Variants in MTUS2 observed in about 807,000 individuals in gnomAD.
MTUS2 encodes microtubule-associated tumor suppressor candidate 2.
In MTUS2, 40 loss-of-function variants were observed where a neutral mutation model predicts 114.1. The observed-to-expected ratio is 0.35, with a 90% CI of 0.27 to 0.46. The LOEUF is 0.46. Ranked by LOEUF, MTUS2 falls within the 20% of genes least tolerant of loss-of-function variation. MTUS2 has a pLI of 1.00. For missense variants in MTUS2, 1,679 were observed against 1,705.4 expected, an observed-to-expected ratio of 0.98 and a Z score of 0.27; for synonymous variants, 688 against 672.0, an observed-to-expected ratio of 1.02 and a Z score of -0.37.
intron 2 of MTUS2, among the ~76,000 whole-genome samples, chr13:28,911,743 C>G (rs761341931): frequency 6.6e-6 from 1 of 150,982 alleles, no homozygotes; most frequent in African/African-American, 2.4e-5. Flanking sequence ...ATTTGTATTT[C>G]GTGATGATCG....
At chr13:29,500,034 C>T (rs1287551135) in intron 14 of MTUS2, among the ~76,000 whole-genome samples, 1 of 152,224 alleles carries the variant, frequency 6.6e-6, no homozygotes, top group Non-Finnish European at 1.5e-5. Context: ...GTGTGGGGAC[C>T]AGCTGTTCTG....
At chr13:29,447,584 C>T in intron 9 of MTUS2, among the ~76,000 whole-genome samples, 1 of 147,236 alleles carries the variant, frequency 6.8e-6, no homozygotes, top group African/African-American at 2.5e-5. Context: ...GGTGGTTGGC[C>T]TTGGGGTATC....
At chr13:29,151,520 C>T (rs902516624) in intron 5 of MTUS2, among the ~76,000 whole-genome samples, 13 of 152,080 alleles carry the variant, frequency 8.5e-5, no homozygotes, top group African/African-American at 2.9e-4. Context: ...TGTTTGGATG[C>T]CTTTATTTCT....
At chr13:28,864,630 CTG>C (rs1403442981) in intron 2 of MTUS2, among the ~76,000 whole-genome samples, 4 of 152,244 alleles carry the variant, frequency 2.6e-5, no homozygotes, top group African/African-American at 7.2e-5. Flanking sequence ...GGGCCTGAGA[CTG>C]TGCTTGATCA....
At chr13:28,976,203 CAAAAAAAAAA>C (rs71090215) in intron 2 of MTUS2, among the ~76,000 whole-genome samples, 2 of 90,160 alleles carry the variant, frequency 2.2e-5, no homozygotes, top group South Asian at 3.9e-4. Context: ...GACCTTGTCT[CAAAAAAAAAA>C]AAAAAAAAAA....
At chr13:29,313,084 G>T (rs1438050921) in intron 6 of MTUS2, among the ~76,000 whole-genome samples, 1 of 152,154 alleles carries the variant, frequency 6.6e-6, no homozygotes, top group East Asian at 1.9e-4. Context: ...AATATGGACA[G>T]GTGAGAAGGC....
intron 2 of MTUS2, among the ~76,000 whole-genome samples, chr13:28,965,130 A>G (rs1233338734): frequency 6.6e-6 from 1 of 152,152 alleles, no homozygotes; most frequent in Non-Finnish European, 1.5e-5. Flanking sequence ...GTTGTGATTT[A>G]TGATCTCTCT....
chr13:29,264,777 C>T (rs1192149985), intron 5 of MTUS2, among the ~76,000 whole-genome samples: 3 of 152,236 alleles, frequency 2.0e-5, no homozygotes, highest in African/African-American at 4.8e-5. Context: ...CCCAAGGCTG[C>T]ACAGGGCAGC....
At chr13:29,144,518 T>A (rs9506112) in intron 5 of MTUS2, among the ~76,000 whole-genome samples, 1 of 152,002 alleles carries the variant, frequency 6.6e-6, no homozygotes, top group African/African-American at 2.4e-5. Context: ...AATGAGCCAC[T>A]GTGGCCAGCT....
At chr13:29,457,135 T>G (rs531392011) in intron 9 of MTUS2, among the ~76,000 whole-genome samples, 1 of 145,680 alleles carries the variant, frequency 6.9e-6, no homozygotes, top group African/African-American at 2.6e-5. Context: ...ACAGCGAGAC[T>G]CCATTCAAAA....
chr13:29,017,028 A>G (rs756181119), intron 2 of MTUS2, among the ~76,000 whole-genome samples: 1 of 152,222 alleles, frequency 6.6e-6, no homozygotes, highest in South Asian at 2.1e-4. Flanking sequence ...GAATGTTCCT[A>G]AGTAATTATA....
chr13:29,335,348 C>A (rs1459902045), intron 7 of MTUS2, among the ~76,000 whole-genome samples: 1 of 152,184 alleles, frequency 6.6e-6, no homozygotes, highest in Non-Finnish European at 1.5e-5. Flanking sequence ...TGTCTGCTCT[C>A]AAACCCTGTC....
At chr13:29,305,346 GA>G (rs148506843) in intron 6 of MTUS2, among the ~76,000 whole-genome samples, 4,819 of 98,728 alleles carry the variant, frequency 0.049, 130 homozygotes, top group South Asian at 0.16. Flanking sequence ...AACAAATCCA[GA>G]AGCTAGTTTT....
intron 9 of MTUS2, among the ~76,000 whole-genome samples, chr13:29,471,745 C>CCCCA (rs527980649): frequency 4.8e-5 from 7 of 146,728 alleles, no homozygotes; most frequent in South Asian, 2.2e-4. Context: ...AGGCCCAGCC[C>CCCCA]CCCCCGACAC....
At position 29,025,246 on chromosome 13, in the gene MTUS2, C is replaced by T; in HGVS notation, c.548C>T (p.Ser183Phe). The T allele has an allele frequency of 6.2e-7, 1 of 1,613,992 alleles. No individual in the cohort carries two copies. The highest frequency in any genetic ancestry group is 8.5e-7 in the Non-Finnish European group (1 of 1,179,888). Residue 183 changes from serine to phenylalanine, a missense_variant, in exon 3 of 16, where the codon TCT (serine) becomes TTT (phenylalanine). Coordinates refer to ENST00000612955, the MANE Select transcript of MTUS2 (RefSeq NM_001033602.4). Reference sequence around the variant, plus strand: ...CATTCTTTGGAAAGAGCAAGCAGCTCTGTAGCTGCAGTCGGGAGCCTGACT... The same window carrying T: ...CATTCTTTGGAAAGAGCAAGCAGCTTTGTAGCTGCAGTCGGGAGCCTGACT... ...RRHSLERASS[S>F]VAAVGSLTPQ...
At chr13:29,219,694 GTTATC>G (rs1221832140) in intron 5 of MTUS2, among the ~76,000 whole-genome samples, 1 of 152,298 alleles carries the variant, frequency 6.6e-6, no homozygotes, top group Middle Eastern at 3.4e-3. Context: ...ATCTTCATCA[GTTATC>G]TTAGCTAATC....
At chr13:28,868,120 A>G (rs905243141) in intron 2 of MTUS2, among the ~76,000 whole-genome samples, 2 of 152,228 alleles carry the variant, frequency 1.3e-5, no homozygotes, top group Non-Finnish European at 2.9e-5. Context: ...AAAAAATGGG[A>G]GGAAAAAGAT....
At chr13:29,390,476 A>G (rs991953118) in intron 8 of MTUS2, among the ~76,000 whole-genome samples, 1 of 151,634 alleles carries the variant, frequency 6.6e-6, no homozygotes, top group Non-Finnish European at 1.5e-5. Context: ...CAACATGGTA[A>G]AACCCTGTCT....
intron 8 of MTUS2, among the ~76,000 whole-genome samples, chr13:29,365,676 C>CT (rs1247880375): frequency 1.3e-5 from 2 of 152,084 alleles, no homozygotes; most frequent in Non-Finnish European, 2.9e-5. Flanking sequence ...AAGTGCGTGC[C>CT]TTTAAGATAT....
Sources: allele counts gnomAD v4.1 joint callset (sites outside exome capture counted in the v4.1 genomes callset), GRCh38; gene constraint gnomAD v4.1.1; transcripts MANE v1.5; gene names NCBI Gene and HGNC (gene_info 2026-07-23, HGNC 2026-07-21).